The following NLRP8 variants were observed in gnomAD, a reference collection of about 807,000 sequenced individuals.
The protein encoded by NLRP8 is NACHT, LRR and PYD domains-containing protein 8.
Under a neutral mutation model 88.7 loss-of-function variants are expected in NLRP8, and 86 were observed. That is an observed-to-expected ratio of 0.97 (90% CI 0.81 to 1.16). The LOEUF (loss-of-function observed/expected upper bound fraction) is 1.16, where lower values mean the gene tolerates loss of function less well. Among genes scored for constraint, NLRP8 ranks in the 50% most tolerant of loss-of-function variants. The pLI is 0.00. For missense variants in NLRP8, 1,342 were observed against 1,286.5 expected (o/e 1.04, Z -0.66); for synonymous variants, 504 against 494.6 (o/e 1.02, Z -0.25).
chr19:55,971,724 T>C (rs1980083381), intron 6 of NLRP8, among the ~76,000 whole-genome samples: 1 of 151,944 alleles, frequency 6.6e-6, no homozygotes, highest in Non-Finnish European at 1.5e-5. Context: ...CCTTGGTGAG[T>C]GTTCATCTTC....
chr19:55,968,478 C>T (rs1979939304), intron 5 of NLRP8, among the ~76,000 whole-genome samples: 1 of 146,838 alleles, frequency 6.8e-6, no homozygotes, highest in African/African-American at 2.5e-5. Flanking sequence ...CGGTGGCTCA[C>T]GCCTGTAATC....
intron 2 of NLRP8, among the ~76,000 whole-genome samples, chr19:55,952,858 G>A (rs1296270034): frequency 2.0e-5 from 3 of 152,074 alleles, no homozygotes; most frequent in Admixed American, 6.6e-5. Flanking sequence ...CCCGGGAGGC[G>A]GAGGGTTGCA....
intron 7 of NLRP8, among the ~76,000 whole-genome samples, chr19:55,974,175 G>A (rs868281170): frequency 1.3e-5 from 2 of 152,208 alleles, no homozygotes; most frequent in Non-Finnish European, 2.9e-5. Flanking sequence ...AAACACAAAA[G>A]GTGGCTTGAC....
In NLRP8 at chr19:55,952,620, C is replaced by T. The variant is rs773251036; in HGVS notation, c.442+8C>T. 40 of 1,611,374 alleles carry T rather than the reference C, an allele frequency of 2.5e-5. 2 individuals are homozygous for T. The South Asian group carries it at 4.4e-4, about 18-fold the overall frequency. On this transcript the variant is annotated splice_region_variant and intron_variant, in intron 2 of 9. Coordinates refer to ENST00000291971, the MANE Select transcript of NLRP8 (RefSeq NM_176811.2). ...TGGAGGAAGGAGAATCTGGTATGTG[C>T]CTGTATCACAGCAGACCCTGGTGAA...
At position 55,955,840 on chromosome 19, in the gene NLRP8, G is replaced by A. The variant is rs1293708589; in HGVS notation, c.1782G>A (p.Leu594=). The stretch of plus-strand genomic sequence containing the variant: ...AACTGCTGAAAGTCATACCTCTGTT[G>A]CATAAATGTGACCCACCTTCTCCGG... Residue 594 remains leucine (L), a synonymous_variant, in exon 3 of 10, where the codon TTG becomes TTA. Coordinates refer to ENST00000291971, the MANE Select transcript of NLRP8 (RefSeq NM_176811.2). 6.2e-7 allele frequency: 1 copy of A among 1,614,178 alleles called. No homozygotes were observed. The highest frequency in any genetic ancestry group is 1.6e-4 in the Middle Eastern group (1 of 6,062).
intron 9 of NLRP8, among the ~76,000 whole-genome samples, chr19:55,986,605 A>G (rs932670175): frequency 6.6e-6 from 1 of 152,208 alleles, no homozygotes; most frequent in Admixed American, 6.5e-5. Context: ...CAGCAGCAGC[A>G]CCTGTAAGTG....
intron 4 of NLRP8, among the ~76,000 whole-genome samples, chr19:55,963,502 A>T (rs1349683439): frequency 6.6e-6 from 1 of 152,170 alleles, no homozygotes; most frequent in Non-Finnish European, 1.5e-5. Context: ...AAGAGGGCAC[A>T]TTTGAACTGG....
chr19:55,968,799 G>A (rs1979952625), intron 5 of NLRP8, among the ~76,000 whole-genome samples: 1 of 152,146 alleles, frequency 6.6e-6, no homozygotes, highest in African/African-American at 2.4e-5. Flanking sequence ...TGGTTGATAT[G>A]CTGTAGAAAA....
chr19:55,973,748 C>T lies in NLRP8; in HGVS notation c.2631C>T (p.Asn877=), dbSNP rs182237860. Residue 877 remains asparagine (N), a synonymous_variant, in exon 7 of 10, where the codon AAC becomes AAT. Transcript: ENST00000291971. ...TGACCCACCTGAGCTTGGCAGAAAA[C>T]GCCTTGAAAGATGAAGGGGCCAAGC... The T allele has an allele frequency of 6.8e-5, 110 of 1,614,062 alleles. No homozygotes were observed. In the East Asian group the frequency reaches 8.0e-4, roughly 12 times the overall value.
chr19:55,961,904 C>T (rs117158881), intron 3 of NLRP8, among the ~76,000 whole-genome samples, 163 bp from the exon 4 acceptor site: 7 of 152,240 alleles, frequency 4.6e-5, no homozygotes, highest in African/African-American at 1.7e-4. Flanking sequence ...AAATGAGAAA[C>T]CTCGTGATGG....
chr19:55,964,751 CA>C (rs540038164), intron 4 of NLRP8, among the ~76,000 whole-genome samples: 2,885 of 95,074 alleles, frequency 0.03, 68 homozygotes, highest in Admixed American at 0.085. Context: ...GACTCTGTCT[CA>C]AAAAAAAAAA....
chr19:55,956,743 C>T (rs1438308727), intron 3 of NLRP8, among the ~76,000 whole-genome samples: 1 of 151,988 alleles, frequency 6.6e-6, no homozygotes, highest in Non-Finnish European at 1.5e-5. Context: ...CCTTGTTCAC[C>T]CTCCCTCCCT....
chr19:55,986,537 G>A (rs959484856), intron 9 of NLRP8, among the ~76,000 whole-genome samples: 25 of 151,016 alleles, frequency 1.7e-4, no homozygotes, highest in African/African-American at 5.6e-4. Context: ...CCAGCTGAAG[G>A]CTGTGAGCAT....
At chr19:55,970,856 G>A (rs973095425) in intron 6 of NLRP8, among the ~76,000 whole-genome samples, 160 bp downstream of exon 6, 1 of 151,990 alleles carries the variant, frequency 6.6e-6, no homozygotes, top group Non-Finnish European at 1.5e-5. Flanking sequence ...GTCAATAAGG[G>A]TCCAGCCAAG....
chr19:55,975,369 C>A (rs1423101149), intron 7 of NLRP8, among the ~76,000 whole-genome samples: 1 of 152,192 alleles, frequency 6.6e-6, no homozygotes, highest in African/African-American at 2.4e-5. Flanking sequence ...GCAGCTTTGG[C>A]AGTTCCTCAA....
chr19:55,972,409 C>A (rs1980115110), intron 6 of NLRP8, among the ~76,000 whole-genome samples: 1 of 137,310 alleles, frequency 7.3e-6, no homozygotes, highest in Admixed American at 7.5e-5. Context: ...GCCACTGCAC[C>A]TAGTCTTTTT....
intron 8 of NLRP8, among the ~76,000 whole-genome samples, chr19:55,977,507 A>G (rs998828779): frequency 1.4e-5 from 2 of 145,234 alleles, no homozygotes; most frequent in African/African-American, 5.0e-5. Context: ...ATATAAATAT[A>G]TGTATTATAT....
rs201723489 is a variant in NLRP8 at position 55,972,660 on chromosome 19, ATGAG to A, written c.2535-987_2535-984del. ...TGTCCTCATAGCTTAGCTCCCACATATGAGTGAGAACATACGACGTTTGGTTTCC... is the reference window on the plus strand; with the variant it reads ...TGTCCTCATAGCTTAGCTCCCACATATGAGAACATACGACGTTTGGTTTCC... On this transcript the variant is annotated intron_variant, in intron 6 of 9. Coordinates refer to ENST00000291971, the MANE Select transcript of NLRP8 (RefSeq NM_176811.2). Among the ~76,000 whole-genome samples the A allele has an allele frequency of 9.7e-3, 1,465 of 151,694 alleles. 47 individuals are homozygous for A. The highest frequency in any genetic ancestry group is 0.055 in the East Asian group (281 of 5,134).
chr19:55,950,628 C>T lies in NLRP8; in HGVS notation c.368-1910C>T, dbSNP rs144084280. On this transcript the variant is annotated intron_variant, in intron 1 of 9. Coordinates refer to ENST00000291971, the MANE Select transcript of NLRP8 (RefSeq NM_176811.2). ...TCCTAGCCGAGGTCAAACAAGGTGA[C>T]GCTCTGCCTTCTGGCTTTAGCTCTC... Among the ~76,000 whole-genome samples the T allele has an allele frequency of 2.1e-3, 314 of 152,328 alleles. 1 individual carries two copies. The highest frequency in any genetic ancestry group is 7.1e-3 in the African/African-American group (297 of 41,574).
Sources: gnomAD v4.1 joint callset for allele counts (sites outside exome capture counted in the v4.1 genomes callset) on GRCh38, gnomAD v4.1.1 for gene constraint, MANE v1.5 for transcripts, NCBI Gene and HGNC (gene_info 2026-07-23, HGNC 2026-07-21) for gene names.